ZNF597: variants seen among roughly 807,000 people sequenced by gnomAD.
The protein encoded by ZNF597 is zinc finger protein 597.
A neutral mutation model predicts 7.3 loss-of-function variants in ZNF597; 5 were observed. The ratio of observed to expected loss-of-function variants is 0.68; its 90% CI spans 0.36 to 1.44. ZNF597 has a LOEUF of 1.44. Among genes scored for constraint, ZNF597 ranks in the 40% most tolerant of loss-of-function variants. The pLI, the probability that ZNF597 is intolerant of heterozygous loss-of-function variation, is 0.04. For missense variants in ZNF597, 585 were observed against 517.9 expected, an observed-to-expected ratio of 1.13 and a Z score of -1.26; for synonymous variants, 209 against 185.4, an observed-to-expected ratio of 1.13 and a Z score of -1.04.
chr16:3,442,808 C>T (rs1007874059), intron 2 of ZNF597, among the ~76,000 whole-genome samples: 1 of 152,156 alleles, frequency 6.6e-6, no homozygotes, highest in African/African-American at 2.4e-5. Context: ...TGCACTCCAG[C>T]CAGACAAGCA....
chr16:3,433,179 C>A lies in ZNF597; in HGVS notation c.*3245G>T, dbSNP rs1056634995. ...ATGAGGAGGTGTCAATAGACTACCACCTGTAGCAACAAAGCTCTAAATAAA... is the reference window on the plus strand; with the variant it reads ...ATGAGGAGGTGTCAATAGACTACCAACTGTAGCAACAAAGCTCTAAATAAA... On this transcript the variant is annotated 3_prime_UTR_variant, in exon 4 of 4. Transcript: ENST00000301744. The A allele has an allele frequency of 7.2e-4, 110 of 152,204 alleles. No individual in the cohort carries two copies. The highest frequency in any genetic ancestry group is 2.6e-3 in the African/African-American group (107 of 41,452). 9.4% of individuals were successfully genotyped at this position (152,204 alleles called of 1,614,324 possible). A position where few individuals can be genotyped will look rare whatever the true frequency, so the allele number is the denominator to read the frequency against.
In ZNF597 at chr16:3,436,893, T is replaced by G. The variant is rs1420246181; in HGVS notation, c.806A>C (p.Glu269Ala). 3 of 1,614,224 alleles carry G rather than the reference T, an allele frequency of 1.9e-6. No homozygotes were observed. The South Asian group carries it at 3.3e-5, about 18-fold the overall frequency. Residue 269 changes from glutamate to alanine, a missense_variant, in exon 4 of 4, where the codon GAA becomes GCA. By Grantham distance (107) the Glu-to-Ala change is moderately radical. Transcript: ENST00000301744. Reference protein sequence around the residue: ...QKSHSAENTYESTNCDKHFNE... With the variant: ...QKSHSAENTYASTNCDKHFNE... ...AAAATGTTTATCACAGTTAGTAGAT[T>G]CGTAGGTGTTTTCAGCACTGTGGCT...
Position 3,436,558 on chromosome 16 carries a change from C to T in ZNF597, c.1141G>A (p.Asp381Asn). ...CKTCEESFAL[D>N]SELACHQKSH... ...TTCTGGTGGCATGCAAGTTCTGAGT[C>T]CAAAGCAAAACTTTCCTCGCATGTT... The change falls in exon 4 of 4, where the codon GAC becomes AAC. Residue 381 changes from aspartate (D) to asparagine (N), a missense_variant. Coordinates refer to ENST00000301744, the MANE Select transcript of ZNF597 (RefSeq NM_152457.3). 1 of 1,613,500 alleles carries T rather than the reference C, an allele frequency of 6.2e-7. No homozygotes were observed. The highest frequency in any genetic ancestry group is 8.5e-7 in the Non-Finnish European group (1 of 1,179,674).
chr16:3,437,584 A>T (rs2034318867), intron 3 of ZNF597, 46 bp from the exon 4 acceptor site: 1 of 1,535,024 alleles, frequency 6.5e-7, no homozygotes, highest in South Asian at 1.3e-5. Flanking sequence ...AATATCTTCA[A>T]GGGATACTGG....
intron 1 of ZNF597, 22 bp from the exon 2 acceptor site, chr16:3,443,228 C>G (rs551529898): frequency 1.4e-6 from 2 of 1,477,450 alleles, no homozygotes; most frequent in African/African-American, 1.4e-5. Context: ...GAGAACAGTT[C>G]TTAAAGGGAC....
Position 3,436,723 on chromosome 16 carries a change from T to C in ZNF597, c.976A>G (p.Ser326Gly). Residue 326 changes from serine to glycine, a missense_variant, in exon 4 of 4, where the codon AGC becomes GGC. Ser to Gly is a moderately conservative substitution (Grantham distance 56). Coordinates refer to ENST00000301744, the MANE Select transcript of ZNF597 (RefSeq NM_152457.3). ...KSHDEDSERC[S>G]DDGDNFFSFS... is the part of the protein sequence containing the mutation. ...GAGAAGAAATTGTCCCCATCATCGCTGCAGCGTTCAGAGTCCTCGTCGTGG... is the reference window on the plus strand; with the variant it reads ...GAGAAGAAATTGTCCCCATCATCGCCGCAGCGTTCAGAGTCCTCGTCGTGG... The C allele has an allele frequency of 6.2e-7, 1 of 1,614,124 alleles. No homozygotes were observed. Among genetic ancestry groups the C allele is most frequent in the Non-Finnish European group, 8.5e-7 (1 of 1,180,024 alleles).
Position 3,436,204 on chromosome 16 carries a change from A to C in ZNF597, c.*220T>G. 1 of 560,734 alleles carries C rather than the reference A, an allele frequency of 1.8e-6. No individual in the cohort carries two copies. The highest frequency in any genetic ancestry group is 3.1e-6 in the Non-Finnish European group (1 of 320,032). 34.7% of individuals were successfully genotyped at this position (560,734 alleles called of 1,614,324 possible). On this transcript the variant is annotated 3_prime_UTR_variant, in exon 4 of 4. Transcript: ENST00000301744. ...TCACAGTTGTACAGTAACTGAGTTCAAATCCTGGGTTCATTCACTAGTTTA... is the reference window on the plus strand; with the variant it reads ...TCACAGTTGTACAGTAACTGAGTTCCAATCCTGGGTTCATTCACTAGTTTA...
At chr16:3,437,978 G>C (rs2034322915) in intron 3 of ZNF597, among the ~76,000 whole-genome samples, 1 of 152,206 alleles carries the variant, frequency 6.6e-6, no homozygotes, top group Admixed American at 6.5e-5. Flanking sequence ...TGTAATCTCA[G>C]CACTTTGGGA....
In ZNF597 at chr16:3,437,507, C is replaced by T; in HGVS notation, c.192G>A (p.Gln64=). 1 of 1,604,254 alleles carries T rather than the reference C, an allele frequency of 6.2e-7. No homozygotes were observed. Among genetic ancestry groups the T allele is most frequent in the Non-Finnish European group, 8.5e-7 (1 of 1,176,576 alleles). Residue 64 remains glutamine, a synonymous_variant, in exon 4 of 4, where the codon CAG becomes CAA. Coordinates refer to ENST00000301744, the MANE Select transcript of ZNF597 (RefSeq NM_152457.3). The stretch of plus-strand genomic sequence containing the variant: ...CAAGTTCCATAGACTCTAGGCTTAA[C>T]TGCTGATTAATCTCAGGCTTGCCTT... ...GEEGKPEINQ[Q]LSLESMELDE... is the part of the protein sequence containing the mutation.
chr16:3,436,799 C>T lies in ZNF597; in HGVS notation c.900G>A (p.Lys300=), dbSNP rs35339236. 2.0e-4 allele frequency: 317 copies of T among 1,613,606 alleles called. 1 individual carries two copies. The African/African-American group carries it at 3.8e-3, about 19-fold the overall frequency. Residue 300 remains lysine, a synonymous_variant, in exon 4 of 4, where the codon AAG becomes AAA. Transcript: ENST00000301744. ...AGGACTGCCTGAAGCTCTTCATGCACTTAGTGTGCTGGTACTGGGGGCCTG... is the reference window on the plus strand; with the variant it reads ...AGGACTGCCTGAAGCTCTTCATGCATTTAGTGTGCTGGTACTGGGGGCCTG... ...FVSGPQYQHT[K]CMKSFRQSLY...
At position 3,436,446 on chromosome 16, in the gene ZNF597, G is replaced by A. The variant is rs755695826; in HGVS notation, c.1253C>T (p.Thr418Ile). 6.2e-7 allele frequency: 1 copy of A among 1,612,900 alleles called. No homozygotes were observed. The highest frequency in any genetic ancestry group is 1.1e-5 in the South Asian group (1 of 90,952). ...ACTTTACGTGGTGTTTTTTATGTGA[G>A]TTCGCTTATGAGTAATGAGATGCAA... Reference protein sequence around the residue: ...SNLHLITHKRTHIKNTT With the variant: ...SNLHLITHKRIHIKNTT Residue 418 changes from threonine to isoleucine, a missense_variant, in exon 4 of 4, where the codon ACT becomes ATT. Transcript: ENST00000301744.
At chr16:3,439,054 G>C (rs2034335826) in intron 3 of ZNF597, among the ~76,000 whole-genome samples, 1 of 152,118 alleles carries the variant, frequency 6.6e-6, no homozygotes, top group Admixed American at 6.5e-5. Context: ...TTCAGAAAGA[G>C]AGCTCAGGTC....
In ZNF597 at chr16:3,437,090, C is replaced by T; in HGVS notation, c.609G>A (p.Arg203=). 1 of 1,614,172 alleles carries T rather than the reference C, an allele frequency of 6.2e-7. No individual in the cohort carries two copies. The highest frequency in any genetic ancestry group is 2.2e-5 in the East Asian group (1 of 44,882). The change falls in exon 4 of 4, where the codon AGG becomes AGA. Residue 203 remains arginine (R), a synonymous_variant. Coordinates refer to ENST00000301744, the MANE Select transcript of ZNF597 (RefSeq NM_152457.3). The part of the protein sequence containing the change: ...FNHRANLRTH[R]RIHTGEKPYK... Reference sequence around the variant, plus strand: ...AAGGTTTCTCACCAGTATGGATTCTCCTGTGTGTCCTCAGGTTGGCTCTAT... The same window carrying T: ...AAGGTTTCTCACCAGTATGGATTCTTCTGTGTGTCCTCAGGTTGGCTCTAT...
At chr16:3,442,773 C>T (rs539260058) in intron 2 of ZNF597, among the ~76,000 whole-genome samples, 227 of 152,132 alleles carry the variant, frequency 1.5e-3, no homozygotes, top group African/African-American at 4.4e-3. Context: ...TCCCTGAGTT[C>T]CAGACGGAGC....
chr16:3,443,288 T>A (rs34496784), intron 1 of ZNF597, 72 bp downstream of exon 1: 1 of 860,680 alleles, frequency 1.2e-6, no homozygotes, highest in Non-Finnish European at 1.7e-6. Flanking sequence ...CTCGATTCCC[T>A]CCGAACCCCC....
chr16:3,438,532 C>T (rs1412117406), intron 3 of ZNF597, among the ~76,000 whole-genome samples: 1 of 151,356 alleles, frequency 6.6e-6, no homozygotes, highest in Non-Finnish European at 1.5e-5. Flanking sequence ...CACTGCACTC[C>T]AGCCTGGGCG....
chr16:3,442,988 T>C, intron 2 of ZNF597, 133 bp downstream of exon 2: 1 of 1,055,066 alleles, frequency 9.5e-7, no homozygotes, highest in Non-Finnish European at 1.5e-6. Flanking sequence ...CGAAGAACAC[T>C]TGGTCAAAGG....
intron 3 of ZNF597, among the ~76,000 whole-genome samples, chr16:3,439,459 A>C (rs1304568610): frequency 6.6e-6 from 1 of 152,212 alleles, no homozygotes; most frequent in Non-Finnish European, 1.5e-5. Context: ...TGCCGTGGAA[A>C]GAACCACCTA....
At chr16:3,443,091 A>C (rs777148057) in intron 2 of ZNF597, 30 bp downstream of exon 2, 1 of 1,614,098 alleles carries the variant, frequency 6.2e-7, no homozygotes, top group Admixed American at 1.7e-5. Flanking sequence ...AGCAGCAATA[A>C]ACTTGGACGA....
Sources: gnomAD v4.1 joint callset for allele counts (sites outside exome capture counted in the v4.1 genomes callset) on GRCh38, gnomAD v4.1.1 for gene constraint, MANE v1.5 for transcripts, NCBI Gene and HGNC (gene_info 2026-07-23, HGNC 2026-07-21) for gene names.